Variants in GARNL3 observed in about 807,000 individuals in gnomAD.
GARNL3 encodes GTPase-activating Rap/Ran-GAP domain-like protein 3.
In GARNL3, 63 loss-of-function variants were observed where a neutral mutation model predicts 125.0. That is an observed-to-expected ratio of 0.50 (90% CI 0.41 to 0.62). The LOEUF is 0.62. Among genes scored for constraint, GARNL3 ranks in the 20% least tolerant of loss-of-function variants. GARNL3 has a pLI of 0.00. For synonymous variants in GARNL3, 439 were observed against 457.5 expected (o/e 0.96, Z 0.52); for missense variants, 994 against 1,244.0 (o/e 0.80, Z 3.02).
chr9:127,339,016 G>A (rs1475437455), intron 12 of GARNL3, among the ~76,000 whole-genome samples: 2 of 152,112 alleles, frequency 1.3e-5, no homozygotes, highest in African/African-American at 2.4e-5. Context: ...GGTTTAATTG[G>A]GCCTGGCGTG....
At chr9:127,377,184 A>T (rs1370101980) in intron 22 of GARNL3, among the ~76,000 whole-genome samples, 1 of 152,246 alleles carries the variant, frequency 6.6e-6, no homozygotes, top group Non-Finnish European at 1.5e-5. Flanking sequence ...ACACAGTATG[A>T]TGCTGGTGCA....
intron 25 of GARNL3, chr9:127,388,309 T>G (rs1832655242): frequency 7.9e-6 from 1 of 126,164 alleles, no homozygotes; most frequent in African/African-American, 2.9e-5. Flanking sequence ...GAACAAGACC[T>G]TGTCTCAAAA....
At chr9:127,256,109 T>C (rs900912526) in intron 2 of GARNL3, among the ~76,000 whole-genome samples, 1 of 152,224 alleles carries the variant, frequency 6.6e-6, no homozygotes, top group Admixed American at 6.5e-5. Flanking sequence ...TTCCGTTTAA[T>C]ACAATTTGGT....
intron 7 of GARNL3, among the ~76,000 whole-genome samples, chr9:127,327,956 C>T (rs1564143810): frequency 6.6e-6 from 1 of 152,166 alleles, no homozygotes; most frequent in Non-Finnish European, 1.5e-5. Context: ...CTCAAAATTA[C>T]TCTGTTCATT....
chr9:127,330,100 T>C (rs1829139954), intron 7 of GARNL3, among the ~76,000 whole-genome samples: 1 of 152,216 alleles, frequency 6.6e-6, no homozygotes, highest in Non-Finnish European at 1.5e-5. Context: ...ACCTGCTGAA[T>C]TGAAAACTCC....
chr9:127,248,818 C>T (rs117170233), intron 2 of GARNL3, among the ~76,000 whole-genome samples: 2,122 of 151,744 alleles, frequency 0.014, 29 homozygotes, highest in Non-Finnish European at 0.021. Flanking sequence ...CCATGTTGCC[C>T]GGGCTGGTCT....
chr9:127,357,662 G>A (rs966860864), intron 21 of GARNL3, among the ~76,000 whole-genome samples: 6 of 152,138 alleles, frequency 3.9e-5, no homozygotes, highest in Non-Finnish European at 7.3e-5. Context: ...AAAAGGCCGG[G>A]CACAATGGCT....
At chr9:127,268,254 GGATTGTTTTCTTATGAA>G (rs960398373) in intron 1 of GARNL3, among the ~76,000 whole-genome samples, 2 of 152,194 alleles carry the variant, frequency 1.3e-5, no homozygotes, top group African/African-American at 4.8e-5. Flanking sequence ...CCTTAACCAG[GGATTGTTTTCTTATGAA>G]GAACAGAGAT....
At chr9:127,370,794 A>G (rs1254331334) in intron 22 of GARNL3, among the ~76,000 whole-genome samples, 1 of 152,066 alleles carries the variant, frequency 6.6e-6, no homozygotes, top group Non-Finnish European at 1.5e-5. Flanking sequence ...GGCATTCCAG[A>G]GGGCCCTGTC....
intron 2 of GARNL3, among the ~76,000 whole-genome samples, chr9:127,251,892 C>T (rs954436076): frequency 2.6e-5 from 4 of 152,086 alleles, no homozygotes; most frequent in African/African-American, 9.7e-5. Context: ...GAGGATGCCC[C>T]CTCCCCTTAA....
intron 7 of GARNL3, among the ~76,000 whole-genome samples, chr9:127,330,357 C>T (rs533719175): frequency 6.6e-5 from 10 of 152,190 alleles, no homozygotes; most frequent in Non-Finnish European, 1.0e-4. Context: ...TCCCTGGAAA[C>T]ATTCTAAGAA....
chr9:127,358,300 C>T (rs1451631986), intron 21 of GARNL3, among the ~76,000 whole-genome samples: 1 of 152,220 alleles, frequency 6.6e-6, no homozygotes, highest in East Asian at 1.9e-4. Context: ...CAGGACAAGG[C>T]CTGCTTGTCA....
chr9:127,270,704 C>T (rs1228592707), intron 1 of GARNL3, among the ~76,000 whole-genome samples: 1 of 152,214 alleles, frequency 6.6e-6, no homozygotes, highest in Non-Finnish European at 1.5e-5. Context: ...CAGTGCTTAT[C>T]ACAATCTATA....
chr9:127,264,711 C>A, upstream of GARNL3: 1 of 1,238,944 alleles, frequency 8.1e-7, no homozygotes, highest in East Asian at 3.2e-5. Context: ...TTAATTGAAT[C>A]ATTGCCTATA....
chr9:127,295,355 T>TAG (rs1303492442), intron 2 of GARNL3, among the ~76,000 whole-genome samples: 2 of 152,212 alleles, frequency 1.3e-5, no homozygotes, highest in Non-Finnish European at 2.9e-5. Flanking sequence ...AATGCATGAG[T>TAG]TCCTGCATCA....
intron 5 of GARNL3, among the ~76,000 whole-genome samples, chr9:127,319,851 T>C (rs142447012): frequency 8.8e-4 from 134 of 152,368 alleles, no homozygotes; most frequent in African/African-American, 3.1e-3. Flanking sequence ...TTTCATTTAG[T>C]TTATGAGCAA....
At chr9:127,381,632 T>C (rs917026188) in intron 22 of GARNL3, among the ~76,000 whole-genome samples, 23 of 152,192 alleles carry the variant, frequency 1.5e-4, no homozygotes, top group African/African-American at 5.1e-4. Context: ...AGTCTCGCTG[T>C]GTCACCCAGG....
chr9:127,238,038 A>T (rs987119087), intron 1 of GARNL3, among the ~76,000 whole-genome samples: 1 of 152,186 alleles, frequency 6.6e-6, no homozygotes, highest in Non-Finnish European at 1.5e-5. Flanking sequence ...GCCAGCAGTG[A>T]CCTCATTCAA....
At chr9:127,387,169 G>C in intron 24 of GARNL3, 24 bp from the exon 25 acceptor site, 1 of 1,605,630 alleles carries the variant, frequency 6.2e-7, no homozygotes, top group Non-Finnish European at 8.5e-7. Flanking sequence ...AGGCAGCCCG[G>C]TAATGCTCTC....
Sources: gnomAD v4.1 joint callset for allele counts (sites outside exome capture counted in the v4.1 genomes callset) on GRCh38, gnomAD v4.1.1 for gene constraint, MANE v1.5 for transcripts, NCBI Gene and HGNC (gene_info 2026-07-23, HGNC 2026-07-21) for gene names.